The following AVIL variants were observed in gnomAD, a reference collection of about 807,000 sequenced individuals.
AVIL encodes the protein advillin.
In AVIL, 78 loss-of-function variants were observed where a neutral mutation model predicts 109.9. The observed-to-expected ratio is 0.71, with a 90% CI of 0.59 to 0.86. The LOEUF is 0.86. Among genes scored for constraint, AVIL ranks in the 40% least tolerant of loss-of-function variants. The probability of loss-of-function intolerance (pLI) is 0.00; values close to 1 mark genes in which losing one functional copy is unlikely to be tolerated. For synonymous variants in AVIL, 367 were observed against 379.1 expected, an observed-to-expected ratio of 0.97 and a Z score of 0.37; for missense variants, 892 against 1,016.5, an observed-to-expected ratio of 0.88 and a Z score of 1.67.
intron 1 of AVIL, among the ~76,000 whole-genome samples, chr12:57,817,072 G>A (rs1956108937): frequency 6.6e-6 from 1 of 152,010 alleles, no homozygotes; most frequent in African/African-American, 2.4e-5. Flanking sequence ...GGGTAATTAA[G>A]CACCTACCCA....
intron 18 of AVIL, chr12:57,800,281 C>A: frequency 5.4e-6 from 1 of 186,788 alleles, no homozygotes; most frequent in Non-Finnish European, 1.1e-5. Context: ...AGGTTGTAGT[C>A]CTACTTAAAT....
intron 16 of AVIL, 65 bp downstream of exon 16, chr12:57,803,182 T>G: frequency 6.3e-7 from 1 of 1,597,948 alleles, no homozygotes; most frequent in Non-Finnish European, 8.6e-7. Flanking sequence ...GTGGGGATAC[T>G]ACACAAAAAC....
intron 18 of AVIL, 90 bp downstream of exon 18, chr12:57,801,054 G>T: frequency 9.2e-7 from 1 of 1,083,608 alleles, no homozygotes; most frequent in Non-Finnish European, 1.4e-6. Context: ...AAGGACATGA[G>T]TTTTGCCTGT....
chr12:57,806,341 C>T lies in AVIL; in HGVS notation c.1671+19G>A, dbSNP rs375036175. 5.6e-5 allele frequency: 91 copies of T among 1,613,486 alleles called. No individual in the cohort carries two copies. The highest frequency in any genetic ancestry group is 7.1e-5 in the Non-Finnish European group (84 of 1,179,824). On this transcript the variant is annotated intron_variant, in intron 14 of 19. Coordinates refer to ENST00000549994, the MANE Select transcript of AVIL (RefSeq NM_006576.4). ...TGGGCTCCGAGGGGCTGGTCTGACC[C>T]GGGGCCCAGCCATCCTACCTTGCCA...
intron 16 of AVIL, chr12:57,802,739 G>T: frequency 3.4e-6 from 2 of 595,074 alleles, no homozygotes; most frequent in East Asian, 5.6e-5. Flanking sequence ...GTCACCTAAG[G>T]CAGAAGCCTG....
rs759518773 is a variant in AVIL, at chr12:57,810,582, T to A, written c.559-31A>T. On this transcript the variant is annotated intron_variant, in intron 6 of 19. Transcript: ENST00000549994. ...AAAGAAGCCCAAGGAAGCCCTCAGC[T>A]CCTCTGGGACCCCTTTCTGCCTGAT... The A allele has an allele frequency of 5.0e-6, 8 of 1,609,544 alleles. No homozygotes were observed. In the African/African-American group the frequency reaches 5.3e-5, roughly 11 times the overall value.
intron 1 of AVIL, among the ~76,000 whole-genome samples, chr12:57,817,605 G>A (rs1555209150): frequency 6.6e-6 from 1 of 152,006 alleles, no homozygotes; most frequent in Non-Finnish European, 1.5e-5. Flanking sequence ...CTAGGGGAAG[G>A]GGACAAGGGC....
chr12:57,809,724 C>G, intron 8 of AVIL, 29 bp from the exon 9 acceptor site: 1 of 1,614,002 alleles, frequency 6.2e-7, no homozygotes. Context: ...GGTATGGTTG[C>G]TCAAGACCAG....
chr12:57,809,630 C>G lies in AVIL; in HGVS notation c.906G>C (p.Lys302Asn), dbSNP rs1266885619. ...TAGACATGGCTGCCTGTTTTTCAGC[C>G]TTTGTGGCTCCTTTTCCTTTCCACA... ...IYVWKGKGAT[K>N]AEKQAAMSKA... The change falls in exon 9 of 20, where the codon AAG becomes AAC. Residue 302 changes from lysine (K) to asparagine (N), a missense_variant. Transcript: ENST00000549994. 2 of 1,614,218 alleles carry G rather than the reference C, an allele frequency of 1.2e-6. No individual in the cohort carries two copies. The highest frequency in any genetic ancestry group is 2.7e-5 in the African/African-American group (2 of 75,050).
intron 14 of AVIL, chr12:57,804,108 TCTGGGGTGC>T (rs1955904010): frequency 6.4e-6 from 1 of 155,770 alleles, no homozygotes; most frequent in Non-Finnish European, 1.4e-5. Context: ...CCCAAAATTA[TCTGGGGTGC>T]GACCCCTTTG....
In AVIL at chr12:57,804,804, G is replaced by A. The variant is rs530444659; in HGVS notation, c.1672-1135C>T. 1.0e-4 allele frequency among the ~76,000 whole-genome samples: 15 copies of A among 148,412 alleles called. No individual in the cohort carries two copies. The East Asian group carries it at 3.0e-3, about 30-fold the overall frequency. ...AGCCTGGGCGACAGAATGAGACTCT[G>A]TCTCAAAAAAAAAAACAAAAAAAAA... On this transcript the variant is annotated intron_variant, in intron 14 of 19. Coordinates refer to ENST00000549994, the MANE Select transcript of AVIL (RefSeq NM_006576.4).
rs769252664 is a variant in AVIL, at chr12:57,813,385, G to T, written c.180C>A (p.His60Gln). Residue 60 changes from histidine to glutamine, a missense_variant, in exon 4 of 20, where the codon CAC becomes CAA. By Grantham distance (24) the His-to-Gln change is conservative. Coordinates refer to ENST00000549994, the MANE Select transcript of AVIL (RefSeq NM_006576.4). ...RVASLLSQDI[H>Q]FWIGKDSSQD... The stretch of plus-strand genomic sequence containing the variant: ...GGGAGGAGTCCTTCCCGATCCAGAA[G>T]TGGATGTCCTGGGATAGGAGACTGG... The T allele has an allele frequency of 6.2e-7, 1 of 1,614,178 alleles. No homozygotes were observed.
chr12:57,808,147 A>G (rs1565834511), intron 11 of AVIL, 47 bp downstream of exon 11: 2 of 1,591,224 alleles, frequency 1.3e-6, no homozygotes, highest in African/African-American at 1.3e-5. Context: ...CAGGACAGCC[A>G]TGAAGGCCAG....
rs1011272064 is a variant in AVIL, at chr12:57,810,709, C to T, written c.558+107G>A. On this transcript the variant is annotated intron_variant, in intron 6 of 19. Transcript: ENST00000549994. ...TCACACACTTGGCCTGTCTCCAAGA[C>T]AGATTCTACTCAAAGGCAGGGCTCC... 2.4e-5 allele frequency: 34 copies of T among 1,421,450 alleles called. No homozygotes were observed. The Middle Eastern group carries it at 1.1e-3, about 46-fold the overall frequency. 88.1% of individuals were successfully genotyped at this position (1,421,450 alleles called of 1,614,324 possible).
Position 57,814,189 on chromosome 12 carries a change from C to G in AVIL, c.104G>C (p.Gly35Ala). Residue 35 changes from glycine (G) to alanine (A), a missense_variant, in exon 3 of 20, where the codon GGC (glycine) becomes GCC (alanine). Gly to Ala is a moderately conservative substitution (Grantham distance 60, BLOSUM62 0). Transcript: ENST00000549994. ...GTAGCAGTCCCCCTCATAGAAGTTG[C>G]CGTGGGCGCTCACAGGCACCAGCGC... ...ELALVPVSAH[G>A]NFYEGDCYVI... is the part of the protein sequence containing the mutation. The G allele has an allele frequency of 3.7e-6, 6 of 1,613,060 alleles. No homozygotes were observed. The highest frequency in any genetic ancestry group is 5.1e-6 in the Non-Finnish European group (6 of 1,179,734).
rs571910594 is a variant in AVIL, at chr12:57,808,414, C to T, written c.1074G>A (p.Thr358=). ...VKDQTMGLGK[T]FSIGKIAKVF... Reference sequence around the variant, plus strand: ...TCTCACCAATTTTACCAATGCTGAACGTTTTCCCCAGGCCCATGGTCTGGT... The same window carrying T: ...TCTCACCAATTTTACCAATGCTGAATGTTTTCCCCAGGCCCATGGTCTGGT... The change falls in exon 10 of 20, where the codon ACG becomes ACA. Residue 358 remains threonine (T), a synonymous_variant. Coordinates refer to ENST00000549994, the MANE Select transcript of AVIL (RefSeq NM_006576.4). 7 of 1,614,154 alleles carry T rather than the reference C, an allele frequency of 4.3e-6. No homozygotes were observed. The highest frequency in any genetic ancestry group is 3.3e-5 in the Admixed American group (2 of 60,008).
rs1381821367 is a variant in AVIL at position 57,811,140 on chromosome 12, C to A, written c.339-13G>T. On this transcript the variant is annotated splice_polypyrimidine_tract_variant and intron_variant, in intron 4 of 19. Transcript: ENST00000549994. ...CCCCTGCTTGTAGCTAAGGGAACAT[C>A]CATTCAGTTATTTGAGTGCCTGCTA... The A allele has an allele frequency of 6.2e-7, 1 of 1,613,078 alleles. No homozygotes were observed. The highest frequency in any genetic ancestry group is 2.2e-5 in the East Asian group (1 of 44,860).
chr12:57,809,995 G>T, intron 7 of AVIL, 105 bp from the exon 8 acceptor site: 3 of 1,164,694 alleles, frequency 2.6e-6, no homozygotes, highest in South Asian at 1.3e-5. Flanking sequence ...TCTAGGTAGA[G>T]TGTGACTGCC....
Position 57,812,232 on chromosome 12 carries a change from C to T in AVIL, c.338+995G>A, listed in dbSNP as rs151083780. 2.2e-3 allele frequency among the ~76,000 whole-genome samples: 334 copies of T among 152,316 alleles called. 6 individuals are homozygous for T. The highest frequency in any genetic ancestry group is 7.8e-3 in the African/African-American group (324 of 41,568). On this transcript the variant is annotated intron_variant, in intron 4 of 19. Coordinates refer to ENST00000549994, the MANE Select transcript of AVIL (RefSeq NM_006576.4). ...ATTTTTTGTGGAGATGAGGGTCTTA[C>T]TGTGTTGCCTAGGCTGATCTTGAAC...
Sources: allele counts gnomAD v4.1 joint callset (sites outside exome capture counted in the v4.1 genomes callset), GRCh38; gene constraint gnomAD v4.1.1; transcripts MANE v1.5; gene names NCBI Gene and HGNC (gene_info 2026-07-23, HGNC 2026-07-21).